Variants in OSBPL10 observed in about 807,000 individuals in gnomAD.
OSBPL10 encodes oxysterol-binding protein-related protein 10.
In OSBPL10, 49 loss-of-function variants were observed where a neutral mutation model predicts 81.7. That is an observed-to-expected ratio of 0.60 (90% CI 0.48 to 0.76). The LOEUF (loss-of-function observed/expected upper bound fraction) is 0.76. Among genes scored for constraint, OSBPL10 ranks in the 30% least tolerant of loss-of-function variants. OSBPL10 has a pLI of 0.00. For missense variants in OSBPL10, 923 were observed against 987.8 expected (o/e 0.93, Z 0.88); for synonymous variants, 419 against 383.6 (o/e 1.09, Z -1.08).
chr3:31,891,725 C>T (rs953717563), intron 1 of OSBPL10, among the ~76,000 whole-genome samples: 5 of 152,130 alleles, frequency 3.3e-5, no homozygotes, highest in African/African-American at 1.2e-4. Context: ...CAGGGGCTCA[C>T]ACTCAGCTGT....
chr3:31,957,629 TTTTG>T lies in OSBPL10; in HGVS notation c.281+23266_281+23269del, dbSNP rs539676789. 3.4e-4 allele frequency among the ~76,000 whole-genome samples: 52 copies of T among 152,130 alleles called. 1 individual carries two copies. In the South Asian group the frequency reaches 7.5e-3, roughly 22 times the overall value. ...GGGTTTTTTGTTGTTATTGGTTTGT[TTTTG>T]TTTGTTTGTTTTGGTTTGTTTGTTT... On this transcript the variant is annotated intron_variant, in intron 1 of 11. Coordinates refer to ENST00000396556, the MANE Select transcript of OSBPL10 (RefSeq NM_017784.5).
chr3:32,046,348 C>T (rs937431167), intron 2 of OSBPL10: 1 of 152,324 alleles, frequency 6.6e-6, no homozygotes, highest in South Asian at 2.1e-4. Context: ...ATTCCTTTTG[C>T]TTTTTCCTCA....
intron 4 of OSBPL10, among the ~76,000 whole-genome samples, chr3:31,789,634 G>A (rs952347589): frequency 6.6e-5 from 10 of 152,240 alleles, no homozygotes; most frequent in African/African-American, 2.2e-4. Context: ...ATACCGTGAG[G>A]GCAAGAGCCC....
intron 1 of OSBPL10, among the ~76,000 whole-genome samples, chr3:31,975,115 C>T (rs7635119): frequency 0.33 from 50,357 of 151,950 alleles, 10,939 homozygotes; most frequent in African/African-American, 0.61. Flanking sequence ...GTAGTTAATA[C>T]GAAGCAGGTG....
chr3:31,911,586 C>G (rs1696579405), intron 1 of OSBPL10, among the ~76,000 whole-genome samples: 1 of 151,252 alleles, frequency 6.6e-6, no homozygotes, highest in African/African-American at 2.4e-5. Flanking sequence ...ATAAAATATA[C>G]TAACACTAAC....
intron 4 of OSBPL10, among the ~76,000 whole-genome samples, chr3:31,829,639 T>C (rs940066473): frequency 2.0e-5 from 3 of 152,094 alleles, no homozygotes; most frequent in African/African-American, 7.2e-5. Flanking sequence ...AGAAAGAAAG[T>C]GAAGCAGGGC....
chr3:31,760,361 C>A (rs778851281), intron 4 of OSBPL10, among the ~76,000 whole-genome samples: 15 of 152,124 alleles, frequency 9.9e-5, no homozygotes, highest in Non-Finnish European at 1.9e-4. Flanking sequence ...CCCTCAGTAC[C>A]CATGGGGGAT....
In OSBPL10 at chr3:31,774,757, C is replaced by T. The variant is rs571331655; in HGVS notation, c.730-26637G>A. ...CGCACTCCTGACCTCATGATGGGAC[C>T]GCCTCAGCCTCCCAAAGTGCTGGGA... On this transcript the variant is annotated intron_variant, in intron 4 of 11. Coordinates refer to ENST00000396556, the MANE Select transcript of OSBPL10 (RefSeq NM_017784.5). Among the ~76,000 whole-genome samples, 10 of 151,440 alleles carry T rather than the reference C, an allele frequency of 6.6e-5. No individual in the cohort carries two copies. The South Asian group carries it at 1.9e-3, about 29-fold the overall frequency.
At chr3:32,049,097 A>G (rs540582297) in intron 1 of OSBPL10, among the ~76,000 whole-genome samples, 1 of 152,338 alleles carries the variant, frequency 6.6e-6, no homozygotes, top group South Asian at 2.1e-4. Context: ...AAACTTATGA[A>G]TAATCCACCC....
intron 3 of OSBPL10, among the ~76,000 whole-genome samples, chr3:31,870,129 G>T (rs1430487921): frequency 1.3e-5 from 2 of 152,238 alleles, no homozygotes; most frequent in Non-Finnish European, 2.9e-5. Flanking sequence ...AGGGACAGGC[G>T]CAAGGGGGAA....
intron 1 of OSBPL10, among the ~76,000 whole-genome samples, chr3:31,969,752 G>A (rs1458773951): frequency 6.6e-6 from 1 of 152,154 alleles, no homozygotes; most frequent in South Asian, 2.1e-4. Context: ...CTACTCCGGA[G>A]GCTAAGGCAG....
intron 1 of OSBPL10, among the ~76,000 whole-genome samples, chr3:31,962,816 A>C (rs1698205444): frequency 6.6e-6 from 1 of 152,230 alleles, no homozygotes; most frequent in African/African-American, 2.4e-5. Flanking sequence ...CCAATGCCAA[A>C]ATCACTGCTG....
intron 1 of OSBPL10, among the ~76,000 whole-genome samples, chr3:31,971,364 T>C (rs2125491577): frequency 6.6e-6 from 1 of 152,202 alleles, no homozygotes; most frequent in African/African-American, 2.4e-5. Context: ...GGTCTCGAAC[T>C]CCTGACCTCA....
intron 5 of OSBPL10, among the ~76,000 whole-genome samples, chr3:31,740,834 C>T (rs1434839237): frequency 8.6e-6 from 1 of 116,858 alleles, no homozygotes; most frequent in African/African-American, 6.3e-5. Flanking sequence ...TTATGATAAA[C>T]TTAATATGAC....
chr3:31,691,314 C>T (rs1418221955), intron 7 of OSBPL10, among the ~76,000 whole-genome samples: 1 of 152,130 alleles, frequency 6.6e-6, no homozygotes, highest in Non-Finnish European at 1.5e-5. Context: ...AACAATCACC[C>T]ATAGGGGAAG....
intron 8 of OSBPL10, among the ~76,000 whole-genome samples, chr3:31,672,447 T>G (rs1349433991): frequency 0.12 from 3,983 of 34,012 alleles, no homozygotes; most frequent in African/African-American, 0.13. Context: ...GGAAGGGGGG[T>G]GGGAGTGCGG....
chr3:31,941,904 C>T (rs1470487999), intron 1 of OSBPL10, among the ~76,000 whole-genome samples: 1 of 152,202 alleles, frequency 6.6e-6, no homozygotes, highest in Non-Finnish European at 1.5e-5. Flanking sequence ...GAATACTTTT[C>T]ACCATTCCAG....
At chr3:32,026,630 C>T (rs1192965702) in intron 2 of OSBPL10, among the ~76,000 whole-genome samples, 2 of 152,178 alleles carry the variant, frequency 1.3e-5, no homozygotes, top group East Asian at 3.8e-4. Context: ...ACGCAGAAAA[C>T]CCTACCGTTA....
chr3:31,809,883 T>TTTTTTTTTTTTTTTTTTTTG, intron 4 of OSBPL10, among the ~76,000 whole-genome samples: 1 of 149,250 alleles, frequency 6.7e-6, no homozygotes, highest in African/African-American at 2.5e-5. Flanking sequence ...TTTTTTTTTT[T>TTTTTTTTTTTTTTTTTTTTG]TTTTTGAGAT....
Sources: gnomAD v4.1 joint callset for allele counts (sites outside exome capture counted in the v4.1 genomes callset) on GRCh38, gnomAD v4.1.1 for gene constraint, MANE v1.5 for transcripts, NCBI Gene and HGNC (gene_info 2026-07-23, HGNC 2026-07-21) for gene names.